Variants in TMEM151A observed in about 807,000 individuals in gnomAD.
TMEM151A encodes transmembrane protein 151.
In TMEM151A, 21 loss-of-function variants were observed where a neutral mutation model predicts 33.7. The ratio of observed to expected loss-of-function variants is 0.62; its 90% CI spans 0.44 to 0.90. The LOEUF (loss-of-function observed/expected upper bound fraction) is 0.90. TMEM151A is among the 40% of genes least tolerant of loss of function. The pLI, the probability that TMEM151A is intolerant of heterozygous loss-of-function variation, is 0.00. For synonymous variants in TMEM151A, 374 were observed against 330.3 expected, an observed-to-expected ratio of 1.13 and a Z score of -1.43; for missense variants, 704 against 697.7, an observed-to-expected ratio of 1.01 and a Z score of -0.10.
At position 66,294,850 on chromosome 11, in the gene TMEM151A, G is replaced by T. The variant is rs895367337; in HGVS notation, c.604G>T (p.Asp202Tyr). Reference sequence around the variant, plus strand: ...TGACTACTCGGCGCACGGCGTCCGCGACGTCTCCAAGGAGCTGGTGGGGCT... The same window carrying T: ...TGACTACTCGGCGCACGGCGTCCGCTACGTCTCCAAGGAGCTGGTGGGGCT... ...EFDYSAHGVR[D>Y]VSKELVGLAE... Residue 202 changes from aspartate (D) to tyrosine (Y), a missense_variant, in exon 2 of 2, where the codon GAC becomes TAC. By Grantham distance (160) the Asp-to-Tyr change is radical. Around this residue, in one of 3 missense-constraint regions of TMEM151A, gnomAD observed 301 missense variants for 323.4 expected, o/e 0.93. Transcript: ENST00000327259. 6.5e-6 allele frequency: 10 copies of T among 1,538,122 alleles called. No individual in the cohort carries two copies. Among genetic ancestry groups the T allele is most frequent in the Non-Finnish European group, 8.7e-6 (10 of 1,145,648 alleles).
In TMEM151A at chr11:66,294,889, GC is replaced by G; in HGVS notation, c.645del (p.Thr216ArgfsTer46). On this transcript the variant is annotated frameshift_variant, in exon 2 of 2. Transcript: ENST00000327259. LOFTEE classifies it high-confidence loss of function. ...GCTGGTGGGGCTGGCGGAGCACGCG[GC>G]CACGCGGCTGCGCTTCACCAAGTGC... The part of the protein sequence containing the change: ...KELVGLAEHA[A>X]TRLRFTKCFS... 1 of 1,536,578 alleles carries G rather than the reference GC, an allele frequency of 6.5e-7. No individual in the cohort carries two copies.
At position 66,294,468 on chromosome 11, in the gene TMEM151A, C is replaced by G. The variant is rs774145391; in HGVS notation, c.222C>G (p.Pro74=). 1.3e-5 allele frequency: 21 copies of G among 1,606,538 alleles called. No homozygotes were observed. Among genetic ancestry groups the G allele is most frequent in the African/African-American group, 2.7e-5 (2 of 74,882 alleles). The change falls in exon 2 of 2, where the codon CCC becomes CCG. Residue 74 remains proline (P), a synonymous_variant. Transcript: ENST00000327259. ...CAGTGCCGCGGCTGGTCCTGGGGCC[C>G]GAGGCCGCCTTGGCCCGGGGAGCCG... ...LATVPRLVLG[P]EAALARGAGG...
In TMEM151A at chr11:66,294,506, C is replaced by T. The variant is rs779787247; in HGVS notation, c.260C>T (p.Pro87Leu). ...GCCCGGGGAGCCGGGGGCCCGCCACCGACCTACCCGGCCAGCCCCTGCTCC... is the reference window on the plus strand; with the variant it reads ...GCCCGGGGAGCCGGGGGCCCGCCACTGACCTACCCGGCCAGCCCCTGCTCC... ...ALARGAGGPP[P>L]TYPASPCSDG... is the part of the protein sequence containing the mutation. The change falls in exon 2 of 2, where the codon CCG becomes CTG. Residue 87 changes from proline (P) to leucine (L), a missense_variant. By Grantham distance (98) the Pro-to-Leu change is moderately conservative (BLOSUM62 -3). Around this residue, in one of 3 missense-constraint regions of TMEM151A, gnomAD observed 301 missense variants for 323.4 expected, o/e 0.93. Coordinates refer to ENST00000327259, the MANE Select transcript of TMEM151A (RefSeq NM_153266.4). The T allele has an allele frequency of 5.6e-6, 9 of 1,606,578 alleles. No homozygotes were observed. Among genetic ancestry groups the T allele is most frequent in the Non-Finnish European group, 5.9e-6 (7 of 1,176,488 alleles).
rs530462631 is a variant in TMEM151A at position 66,292,491 on chromosome 11, C to A, written c.75+403C>A. Reference sequence around the variant, plus strand: ...CTGCAATGCAGCAGCAGTCGCAGAGCCTAGAGGGGAGGAGGGGAAGAGGAA... The same window carrying A: ...CTGCAATGCAGCAGCAGTCGCAGAGACTAGAGGGGAGGAGGGGAAGAGGAA... On this transcript the variant is annotated intron_variant, in intron 1 of 1. Transcript: ENST00000327259. This position sits in a 1 kb window ranked among gnomAD's most constrained non-coding sequence, Gnocchi z 4.7. 1.3e-5 allele frequency among the ~76,000 whole-genome samples: 2 copies of A among 152,272 alleles called. No individual in the cohort carries two copies. Among genetic ancestry groups the A allele is most frequent in the South Asian group, 2.1e-4 (1 of 4,824 alleles).
chr11:66,294,870 G>C lies in TMEM151A; in HGVS notation c.624G>C (p.Val208=). ...HGVRDVSKEL[V]GLAEHAATRL... ...TCCGCGACGTCTCCAAGGAGCTGGT[G>C]GGGCTGGCGGAGCACGCGGCCACGC... The change falls in exon 2 of 2, where the codon GTG becomes GTC. Residue 208 remains valine (V), a synonymous_variant. Transcript: ENST00000327259. 6.5e-7 allele frequency: 1 copy of C among 1,536,980 alleles called. No individual in the cohort carries two copies. Among genetic ancestry groups the C allele is most frequent in the Non-Finnish European group, 8.7e-7 (1 of 1,145,434 alleles).
In TMEM151A at chr11:66,295,206, C is replaced by T. The variant is rs900422615; in HGVS notation, c.960C>T (p.Gly320=). Residue 320 remains glycine (G), a synonymous_variant, in exon 2 of 2, where the codon GGC becomes GGT. Transcript: ENST00000327259. ...ACTACCAGGTGGAGAAGCTCTTTGG[C>T]GCCAGCTCGCCCCCGCCGGGGGCCG... is the stretch of plus-strand genomic sequence containing the variant. ...HVHYQVEKLF[G]ASSPPPGAVP... The T allele has an allele frequency of 1.3e-5, 21 of 1,573,692 alleles. No homozygotes were observed. Among genetic ancestry groups the T allele is most frequent in the South Asian group, 2.3e-5 (2 of 87,400 alleles).
chr11:66,295,062 C>T lies in TMEM151A; in HGVS notation c.816C>T (p.Val272=). 6.9e-6 allele frequency: 11 copies of T among 1,598,406 alleles called. No individual in the cohort carries two copies. The highest frequency in any genetic ancestry group is 2.2e-5 in the South Asian group (2 of 90,956). Reference sequence around the variant, plus strand: ...TAGACTTCCGCGAGTCGCTCATGGTCTTCGCCGACCCCCGCAGCCCGCCCT... The same window carrying T: ...TAGACTTCCGCGAGTCGCTCATGGTTTTCGCCGACCCCCGCAGCCCGCCCT... ...KDVDFRESLM[V]FADPRSPPWY... is the part of the protein sequence containing the mutation. The change falls in exon 2 of 2, where the codon GTC becomes GTT. Residue 272 remains valine (V), a synonymous_variant. Transcript: ENST00000327259.
In TMEM151A at chr11:66,294,794, G is replaced by C; in HGVS notation, c.548G>C (p.Arg183Pro). The change falls in exon 2 of 2, where the codon CGC becomes CCC. Residue 183 changes from arginine (R) to proline (P), a missense_variant. This residue lies in a region of TMEM151A where 301 missense variants were observed against 323.4 expected (regional missense o/e 0.93). Transcript: ENST00000327259. The stretch of plus-strand genomic sequence containing the variant: ...ACCACCACGCAGGTGTACCATGAGC[G>C]CGCTGACAGCCGCACGGCCCGCGGC... ...AYTTTQVYHE[R>P]ADSRTARGEF... The C allele has an allele frequency of 6.5e-7, 1 of 1,544,122 alleles. No homozygotes were observed. The highest frequency in any genetic ancestry group is 8.7e-7 in the Non-Finnish European group (1 of 1,146,660).
In TMEM151A at chr11:66,295,105, G is replaced by A. The variant is rs1161621905; in HGVS notation, c.859G>A (p.Val287Ile). 1 of 1,592,942 alleles carries A rather than the reference G, an allele frequency of 6.3e-7. No individual in the cohort carries two copies. Among genetic ancestry groups the A allele is most frequent in the Admixed American group, 1.7e-5 (1 of 59,400 alleles). Residue 287 changes from valine (V) to isoleucine (I), a missense_variant, in exon 2 of 2, where the codon GTC (valine) becomes ATC (isoleucine). Val to Ile is a conservative substitution (Grantham distance 29). This residue lies in a region of TMEM151A where 398 missense variants were observed against 356.0 expected (regional missense o/e 1.12). Coordinates refer to ENST00000327259, the MANE Select transcript of TMEM151A (RefSeq NM_153266.4). ...RSPPWYARAW[V>I]FWLVSAATLS... Reference sequence around the variant, plus strand: ...CCCGCCCTGGTACGCGCGCGCCTGGGTCTTCTGGCTCGTGTCGGCGGCCAC... The same window carrying A: ...CCCGCCCTGGTACGCGCGCGCCTGGATCTTCTGGCTCGTGTCGGCGGCCAC...
Position 66,295,243 on chromosome 11 carries a change from C to G in TMEM151A, c.997C>G (p.Pro333Ala), listed in dbSNP as rs750180315. Residue 333 changes from proline (P) to alanine (A), a missense_variant, in exon 2 of 2, where the codon CCC becomes GCC. Pro to Ala is a conservative substitution (Grantham distance 27, BLOSUM62 -1). This residue lies in a region of TMEM151A where 398 missense variants were observed against 356.0 expected (regional missense o/e 1.12). Coordinates refer to ENST00000327259, the MANE Select transcript of TMEM151A (RefSeq NM_153266.4). ...SPPPGAVPSG[P>A]PLSRVATVDF... ...CCCGCCGGGGGCCGTGCCCAGCGGG[C>G]CCCCGCTGTCCCGCGTGGCCACAGT... The G allele has an allele frequency of 4.0e-5, 62 of 1,559,102 alleles. No homozygotes were observed. Among genetic ancestry groups the G allele is most frequent in the Non-Finnish European group, 5.4e-5 (62 of 1,152,832 alleles).
rs775988987 is a variant in TMEM151A, at chr11:66,294,731, C to T, written c.485C>T (p.Thr162Ile). 1 of 1,554,092 alleles carries T rather than the reference C, an allele frequency of 6.4e-7. No homozygotes were observed. The highest frequency in any genetic ancestry group is 8.7e-7 in the Non-Finnish European group (1 of 1,150,228). The change falls in exon 2 of 2, where the codon ACA becomes ATA. Residue 162 changes from threonine (T) to isoleucine (I), a missense_variant. Physicochemically the swap from Thr to Ile is moderately conservative, Grantham distance 89. This residue lies in a region of TMEM151A where 301 missense variants were observed against 323.4 expected (regional missense o/e 0.93). Transcript: ENST00000327259. ...ACCAGCTATCACTACGTGCGGCGCA[C>T]ACGCCAGATCACGCGCTACCGCAAC... ...KATSYHYVRR[T>I]RQITRYRNGD...
chr11:66,294,572 T>C lies in TMEM151A; in HGVS notation c.326T>C (p.Leu109Pro). ...LYIPLAFVSL[L>P]YLLYLAECWH... Reference sequence around the variant, plus strand: ...ATCCCGCTGGCCTTCGTCTCCCTCCTCTACCTCCTCTACCTGGCTGAGTGC... The same window carrying C: ...ATCCCGCTGGCCTTCGTCTCCCTCCCCTACCTCCTCTACCTGGCTGAGTGC... The change falls in exon 2 of 2, where the codon CTC becomes CCC. Residue 109 changes from leucine (L) to proline (P), a missense_variant. This residue lies in a region of TMEM151A where 301 missense variants were observed against 323.4 expected (regional missense o/e 0.93). Coordinates refer to ENST00000327259, the MANE Select transcript of TMEM151A (RefSeq NM_153266.4). 6.2e-7 allele frequency: 1 copy of C among 1,612,804 alleles called. No homozygotes were observed.
At position 66,294,075 on chromosome 11, in the gene TMEM151A, G is replaced by A. The variant is rs35000213; in HGVS notation, c.76-247G>A. 4.8e-3 allele frequency among the ~76,000 whole-genome samples: 735 copies of A among 152,354 alleles called. 31 individuals carry two copies. The East Asian group carries it at 0.099, about 21-fold the overall frequency. ...TGCTGTCTCCTGTGTGCGGTTTGCC[G>A]AGTGCTAGCACGGCACAGTGGAGGA... On this transcript the variant is annotated intron_variant, in intron 1 of 1. Coordinates refer to ENST00000327259, the MANE Select transcript of TMEM151A (RefSeq NM_153266.4).
In TMEM151A at chr11:66,295,731, A is replaced by G. The variant is rs1462709713; in HGVS notation, c.*78A>G. On this transcript the variant is annotated 3_prime_UTR_variant, in exon 2 of 2. Transcript: ENST00000327259. The stretch of plus-strand genomic sequence containing the variant: ...TAGATGCCCGAGTGATTGTTGTCCA[A>G]AACAGGCGGGAAAACAGACCAGCCA... 2.3e-6 allele frequency: 3 copies of G among 1,304,652 alleles called. No homozygotes were observed. Among genetic ancestry groups the G allele is most frequent in the African/African-American group, 3.1e-5 (2 of 64,248 alleles). The allele number at this position is 1,304,652 out of a possible 1,614,324, so 80.8% of individuals were successfully genotyped here. A position where few individuals can be genotyped will look rare whatever the true frequency, so the allele number is the denominator to read the frequency against.
In TMEM151A at chr11:66,295,839, G is replaced by A. The variant is rs558104599; in HGVS notation, c.*186G>A. 2.1e-6 allele frequency: 1 copy of A among 477,078 alleles called. No individual in the cohort carries two copies. The highest frequency in any genetic ancestry group is 2.0e-5 in the African/African-American group (1 of 49,912). 29.6% of individuals were successfully genotyped at this position (477,078 alleles called of 1,614,324 possible). ...GTTACCTGTGGTCATTTTGGAGGAAGTGGAAGCCTAAGAATCGCCCCCAGC... is the reference window on the plus strand; with the variant it reads ...GTTACCTGTGGTCATTTTGGAGGAAATGGAAGCCTAAGAATCGCCCCCAGC... On this transcript the variant is annotated 3_prime_UTR_variant, in exon 2 of 2. Coordinates refer to ENST00000327259, the MANE Select transcript of TMEM151A (RefSeq NM_153266.4).
chr11:66,291,918 C>T lies in TMEM151A; in HGVS notation c.-96C>T. The T allele has an allele frequency of 1.0e-6, 1 of 954,408 alleles. No homozygotes were observed. The highest frequency in any genetic ancestry group is 1.4e-6 in the Non-Finnish European group (1 of 707,762). The allele number at this position is 954,408 out of a possible 1,614,324, so 59.1% of individuals were successfully genotyped here. A position where few individuals can be genotyped will look rare whatever the true frequency, so the allele number is the denominator to read the frequency against. On this transcript the variant is annotated 5_prime_UTR_variant, in exon 1 of 2. Coordinates refer to ENST00000327259, the MANE Select transcript of TMEM151A (RefSeq NM_153266.4). ...CGCACTCCCTCCGCGGCCGCTGAGC[C>T]GAGCGGACGCCCCCGGGGGCCGCGT...
In TMEM151A at chr11:66,295,438, C is replaced by T. The variant is rs1032696972; in HGVS notation, c.1192C>T (p.Arg398Cys). ...SLPPARPSGP[R>C]LPFSRSRLSL... ...GCCCCCCGCCCGGCCCAGCGGGCCC[C>T]GCCTGCCCTTCAGCCGCAGCCGCCT... The change falls in exon 2 of 2, where the codon CGC becomes TGC. Residue 398 changes from arginine (R) to cysteine (C), a missense_variant. By Grantham distance (180) the Arg-to-Cys change is radical. This residue lies in a region of TMEM151A where 398 missense variants were observed against 356.0 expected (regional missense o/e 1.12). Transcript: ENST00000327259. 4 of 1,465,848 alleles carry T rather than the reference C, an allele frequency of 2.7e-6. No individual in the cohort carries two copies. Among genetic ancestry groups the T allele is most frequent in the Non-Finnish European group, 3.6e-6 (4 of 1,110,628 alleles). 90.8% of individuals were successfully genotyped at this position (1,465,848 alleles called of 1,614,324 possible).
At chr11:66,294,161 A>G (rs1482963238) in intron 1 of TMEM151A, among the ~76,000 whole-genome samples, 161 bp from the exon 2 acceptor site, 2 of 152,224 alleles carry the variant, frequency 1.3e-5, no homozygotes, top group Non-Finnish European at 2.9e-5. Flanking sequence ...TGAGCTGGAA[A>G]TGTGAAGCCT....
rs778443635 is a variant in TMEM151A at position 66,295,281 on chromosome 11, G to A, written c.1035G>A (p.Glu345=). The change falls in exon 2 of 2, where the codon GAG becomes GAA. Residue 345 remains glutamate (E), a synonymous_variant. Transcript: ENST00000327259. ...GCGTGGCCACAGTGGACTTCACTGA[G>A]CTCGAGTGGCACATCTGCTCCAACC... The part of the protein sequence containing the change: ...LSRVATVDFT[E]LEWHICSNRQ... 6 of 1,574,986 alleles carry A rather than the reference G, an allele frequency of 3.8e-6. No homozygotes were observed. In the African/African-American group the frequency reaches 5.4e-5, roughly 14 times the overall value.
Sources: allele counts gnomAD v4.1 joint callset (sites outside exome capture counted in the v4.1 genomes callset), GRCh38; gene constraint gnomAD v4.1.1; regional missense constraint gnomAD v4.1.1; non-coding constraint Gnocchi (gnomAD v3.1); transcripts MANE v1.5; gene names NCBI Gene and HGNC (gene_info 2026-07-23, HGNC 2026-07-21).